The following WDR88 variants were observed in gnomAD, a reference collection of about 807,000 sequenced individuals.
WDR88 encodes WD repeat-containing protein 88.
Under a neutral mutation model 46.8 loss-of-function variants are expected in WDR88, and 40 were observed. That is an observed-to-expected ratio of 0.86 (90% confidence interval 0.66 to 1.11). The LOEUF is 1.11. WDR88 is among the 50% of genes most tolerant of loss of function. The pLI is 0.00. For missense variants in WDR88, 562 were observed against 602.4 expected (o/e 0.93, Z 0.70); for synonymous variants, 235 against 240.7 (o/e 0.98, Z 0.22).
intron 10 of WDR88, 109 bp downstream of exon 10, chr19:33,172,549 AAC>A: frequency 1.1e-6 from 1 of 893,386 alleles, no homozygotes; most frequent in Non-Finnish European, 1.7e-6. Context: ...ATCGTGAACA[AAC>A]AGACTGACAT....
chr19:33,147,499 A>C, intron 3 of WDR88, 146 bp from the exon 4 acceptor site: 1 of 639,940 alleles, frequency 1.6e-6, no homozygotes, highest in East Asian at 3.1e-5. Context: ...GCTACTCAGG[A>C]GGCTGTGGCA....
chr19:33,142,041 G>T (rs1405080752), intron 2 of WDR88, among the ~76,000 whole-genome samples: 1 of 152,180 alleles, frequency 6.6e-6, no homozygotes, highest in African/African-American at 2.4e-5. Flanking sequence ...TGGGGGCAGG[G>T]ACTGGAAACG....
At chr19:33,135,206 A>G (rs1255176187) in intron 1 of WDR88, among the ~76,000 whole-genome samples, 1 of 151,968 alleles carries the variant, frequency 6.6e-6, no homozygotes, top group Non-Finnish European at 1.5e-5. Context: ...CAGTTCCCCA[A>G]TACCCATCCT....
At chr19:33,147,359 T>G (rs945569592) in intron 3 of WDR88, among the ~76,000 whole-genome samples, 13 of 152,052 alleles carry the variant, frequency 8.5e-5, no homozygotes, top group African/African-American at 2.7e-4. Flanking sequence ...TACTAGCACT[T>G]TGGGAGGCCG....
chr19:33,162,288 C>G (rs1222392098), intron 8 of WDR88, among the ~76,000 whole-genome samples: 1 of 152,108 alleles, frequency 6.6e-6, no homozygotes, highest in Non-Finnish European at 1.5e-5. Context: ...GCAAGTTCCG[C>G]CTCCTGGGTT....
chr19:33,164,737 C>T (rs1973926446), intron 9 of WDR88, among the ~76,000 whole-genome samples: 1 of 152,014 alleles, frequency 6.6e-6, no homozygotes, highest in African/African-American at 2.4e-5. Context: ...CGCCCTCCAC[C>T]CATATTAGAG....
At chr19:33,137,920 GC>G in intron 2 of WDR88, 133 bp downstream of exon 2, 1 of 697,392 alleles carries the variant, frequency 1.4e-6, no homozygotes, top group Non-Finnish European at 2.3e-6. Flanking sequence ...TGAGCAAAGT[GC>G]CAGAAGGAGG....
rs1423215853 is a variant in WDR88, at chr19:33,151,315, G to C, written c.809+5G>C. On this transcript the variant is annotated splice_donor_5th_base_variant and intron_variant, in intron 6 of 10. Transcript: ENST00000355868. ...CACGCTGCTCACCATCACTAAGTGA[G>C]TTGGACCCCAGGAGGCCAGAAGGGA... The C allele has an allele frequency of 6.2e-7, 1 of 1,611,768 alleles. No homozygotes were observed. Among genetic ancestry groups the C allele is most frequent in the South Asian group, 1.1e-5 (1 of 90,856 alleles).
chr19:33,138,538 A>C (rs1008543414), intron 2 of WDR88, among the ~76,000 whole-genome samples: 1 of 148,314 alleles, frequency 6.7e-6, no homozygotes, highest in African/African-American at 2.5e-5. Context: ...GTAGAGACAG[A>C]GTTTCACCAC....
At chr19:33,160,391 C>T (rs1348824251) in intron 7 of WDR88, 23 bp from the exon 8 acceptor site, 7 of 1,613,666 alleles carry the variant, frequency 4.3e-6, no homozygotes, top group African/African-American at 2.7e-5. Context: ...CCCCCATCTC[C>T]ACCCTTTCAT....
chr19:33,170,546 A>G (rs77341863), intron 9 of WDR88, among the ~76,000 whole-genome samples: 13,470 of 151,808 alleles, frequency 0.089, 988 homozygotes, highest in Admixed American at 0.24. Flanking sequence ...TTTAAGGAAG[A>G]TATCTCTTTC....
In WDR88 at chr19:33,132,391, G is replaced by A. The variant is rs1381399165; in HGVS notation, c.222G>A (p.Glu74=). The change falls in exon 1 of 11, where the codon GAG becomes GAA. Residue 74 remains glutamate, a synonymous_variant. Coordinates refer to ENST00000355868, the MANE Select transcript of WDR88 (RefSeq NM_173479.4). Reference sequence around the variant, plus strand: ...AACCACCACCGCATCTGTTGCCTGAGAAGCACCAGGTGCCGGAGAAATTGA... The same window carrying A: ...AACCACCACCGCATCTGTTGCCTGAAAAGCACCAGGTGCCGGAGAAATTGA... ...DREPPPHLLP[E]KHQVPEKLIW... 5.6e-6 allele frequency: 9 copies of A among 1,614,056 alleles called. No individual in the cohort carries two copies. The highest frequency in any genetic ancestry group is 6.8e-6 in the Non-Finnish European group (8 of 1,180,036).
At chr19:33,169,861 G>C (rs184191651) in intron 9 of WDR88, among the ~76,000 whole-genome samples, 12 of 152,118 alleles carry the variant, frequency 7.9e-5, no homozygotes, top group Admixed American at 5.2e-4. Flanking sequence ...TCTAAAATGT[G>C]CATTATTTAT....
At chr19:33,135,315 T>G (rs1419597543) in intron 1 of WDR88, among the ~76,000 whole-genome samples, 1 of 152,190 alleles carries the variant, frequency 6.6e-6, no homozygotes, top group African/African-American at 2.4e-5. Context: ...TGTGACTGGC[T>G]TCATTTCCTT....
chr19:33,162,715 C>T (rs953669807), intron 8 of WDR88, among the ~76,000 whole-genome samples: 1 of 151,994 alleles, frequency 6.6e-6, no homozygotes, highest in African/African-American at 2.4e-5. Context: ...TGCTAAACAC[C>T]CGAGTACTAT....
At chr19:33,149,372 C>T (rs1005125362) in intron 5 of WDR88, among the ~76,000 whole-genome samples, 2 of 151,114 alleles carry the variant, frequency 1.3e-5, no homozygotes, top group African/African-American at 4.9e-5. Flanking sequence ...AAAAAACACA[C>T]CAAAACTGAT....
At chr19:33,172,752 C>T (rs1974059061) in intron 10 of WDR88, among the ~76,000 whole-genome samples, 2 of 151,908 alleles carry the variant, frequency 1.3e-5, no homozygotes, top group African/African-American at 2.4e-5. Flanking sequence ...ACAGCTGTGT[C>T]GACTTGAAGG....
chr19:33,146,761 G>C (rs1015355847), intron 3 of WDR88, among the ~76,000 whole-genome samples: 1 of 152,058 alleles, frequency 6.6e-6, no homozygotes, highest in African/African-American at 2.4e-5. Flanking sequence ...CAGGTGTTCT[G>C]CCCGCCTCAG....
At chr19:33,149,186 G>A (rs1312360277) in intron 5 of WDR88, among the ~76,000 whole-genome samples, 4 of 152,106 alleles carry the variant, frequency 2.6e-5, no homozygotes, top group Non-Finnish European at 2.9e-5. Flanking sequence ...AGCCAGGTGT[G>A]ATGGCATGCA....
Sources: allele counts gnomAD v4.1 joint callset (sites outside exome capture counted in the v4.1 genomes callset), GRCh38; gene constraint gnomAD v4.1.1; transcripts MANE v1.5; gene names NCBI Gene and HGNC (gene_info 2026-07-23, HGNC 2026-07-21).